The following FNBP1 variants were observed in gnomAD, a reference collection of about 807,000 sequenced individuals.
The protein encoded by FNBP1 is formin binding protein 1, also known as formin-binding protein 1.
A neutral mutation model predicts 90.6 loss-of-function variants in FNBP1; 26 were observed. The ratio of observed to expected loss-of-function variants is 0.29; its 90% CI spans 0.21 to 0.40. The LOEUF (loss-of-function observed/expected upper bound fraction) is 0.40. Among genes scored for constraint, FNBP1 ranks in the 10% least tolerant of loss-of-function variants. FNBP1 has a pLI of 1.00. For synonymous variants in FNBP1, 260 were observed against 265.2 expected (o/e 0.98, Z 0.19); for missense variants, 635 against 768.0 (o/e 0.83, Z 2.05).
chr9:129,946,500 G>A (rs1213865858), intron 6 of FNBP1, among the ~76,000 whole-genome samples: 1 of 152,172 alleles, frequency 6.6e-6, no homozygotes, highest in Non-Finnish European at 1.5e-5. Context: ...ACTGTATAGA[G>A]AGCTCTTCTG....
intron 1 of FNBP1, among the ~76,000 whole-genome samples, chr9:130,030,463 A>G (rs2058709491): frequency 6.6e-6 from 1 of 151,656 alleles, no homozygotes; most frequent in South Asian, 2.1e-4. Context: ...TCTAAACATA[A>G]CTAACTGTGC....
intron 1 of FNBP1, among the ~76,000 whole-genome samples, chr9:130,027,560 T>G (rs1300228571): frequency 1.3e-5 from 2 of 152,212 alleles, no homozygotes; most frequent in African/African-American, 4.8e-5. Context: ...GTATAATAAA[T>G]CACTCCCAAA....
At chr9:129,931,423 G>A (rs1457187592) in intron 6 of FNBP1, among the ~76,000 whole-genome samples, 2 of 151,912 alleles carry the variant, frequency 1.3e-5, no homozygotes, top group African/African-American at 4.8e-5. Context: ...CTAACATGGT[G>A]AAACCCCGTC....
rs1380697721 is a variant in FNBP1 at position 129,895,852 on chromosome 9, T to C, written c.1832A>G (p.Asp611Gly). The C allele has an allele frequency of 2.5e-6, 4 of 1,607,938 alleles. No individual in the cohort carries two copies. Among genetic ancestry groups the C allele is most frequent in the Non-Finnish European group, 3.4e-6 (4 of 1,177,908 alleles). ...VPTSYVEVCL[D>G]KNAKDS ...AGTCTTAGCACCTTTGGCATTTTTG[T>C]CCAAACAGACTTCGACATATGAAGT... The change falls in exon 16 of 17, where the codon GAC becomes GGC. Residue 611 changes from aspartate (D) to glycine (G), a missense_variant. By Grantham distance (94) the Asp-to-Gly change is moderately conservative. Coordinates refer to ENST00000446176, the MANE Select transcript of FNBP1 (RefSeq NM_015033.3).
At chr9:129,958,621 T>C in intron 4 of FNBP1, 68 bp from the exon 5 acceptor site, 1 of 1,224,902 alleles carries the variant, frequency 8.2e-7, no homozygotes, top group South Asian at 1.3e-5. Flanking sequence ...GAGGAAACAT[T>C]TTCATCCACT....
At chr9:129,942,690 T>C (rs2044500340) in intron 6 of FNBP1, among the ~76,000 whole-genome samples, 1 of 152,240 alleles carries the variant, frequency 6.6e-6, no homozygotes, top group Non-Finnish European at 1.5e-5. Context: ...TTTATAGGTT[T>C]ACCCTATTTA....
At chr9:129,908,817 T>C (rs1564293838) in intron 12 of FNBP1, 73 bp downstream of exon 12, 15 of 955,724 alleles carry the variant, frequency 1.6e-5, no homozygotes, top group Non-Finnish European at 2.3e-5. Flanking sequence ...CCTCCCAAAG[T>C]GCTGGGATTA....
chr9:129,907,180 C>T (rs1017071577), intron 12 of FNBP1, among the ~76,000 whole-genome samples: 2 of 152,086 alleles, frequency 1.3e-5, no homozygotes, highest in African/African-American at 4.8e-5. Flanking sequence ...TCTTCTCTCC[C>T]ATTTTTTTAC....
At chr9:129,952,785 A>T (rs1429306529) in intron 6 of FNBP1, among the ~76,000 whole-genome samples, 1 of 152,210 alleles carries the variant, frequency 6.6e-6, no homozygotes, top group Non-Finnish European at 1.5e-5. Context: ...AGAGTAAAAT[A>T]GACAGAACAT....
chr9:129,899,673 G>A (rs1168892564), intron 15 of FNBP1, among the ~76,000 whole-genome samples: 3 of 151,738 alleles, frequency 2.0e-5, no homozygotes, highest in Non-Finnish European at 4.4e-5. Flanking sequence ...AGGCTGCAGT[G>A]AGCCATGATT....
At chr9:130,008,137 G>A (rs2056062340) in intron 1 of FNBP1, among the ~76,000 whole-genome samples, 1 of 151,040 alleles carries the variant, frequency 6.6e-6, no homozygotes, top group South Asian at 2.1e-4. Flanking sequence ...TTGAGCCCAG[G>A]AGTTCGAGAC....
chr9:130,018,275 GTA>G (rs754107052), intron 1 of FNBP1, among the ~76,000 whole-genome samples: 2 of 151,658 alleles, frequency 1.3e-5, no homozygotes, highest in African/African-American at 2.4e-5. Context: ...GTGTGTATGT[GTA>G]TATATATATC....
chr9:129,931,925 G>A (rs553976073), intron 6 of FNBP1, among the ~76,000 whole-genome samples: 185 of 151,810 alleles, frequency 1.2e-3, no homozygotes, highest in African/African-American at 3.9e-3. Flanking sequence ...AAGAAAGAAC[G>A]AAAGAGGCCA....
chr9:130,047,811 T>A (rs947419824), upstream of FNBP1, among the ~76,000 whole-genome samples: 4 of 152,126 alleles, frequency 2.6e-5, no homozygotes, highest in Non-Finnish European at 5.9e-5. Context: ...GTATTAGGGC[T>A]TTTTGGCAAT....
chr9:129,993,490 A>AC (rs1429308726), intron 2 of FNBP1, among the ~76,000 whole-genome samples: 2 of 150,510 alleles, frequency 1.3e-5, no homozygotes, highest in African/African-American at 4.9e-5. Flanking sequence ...AAAAAAAAAA[A>AC]AAAAACAGAG....
At chr9:130,053,790 C>T in the FNBP1 span, 6 of 763,070 alleles carry the variant, frequency 7.9e-6, no homozygotes, top group Non-Finnish European at 1.0e-5. Flanking sequence ...TCGACGACTT[C>T]CTAGGTCGCA....
At chr9:129,903,042 A>AT (rs758751755) in intron 12 of FNBP1, 41 bp from the exon 13 acceptor site, 7,419 of 1,320,064 alleles carry the variant, frequency 5.6e-3, no homozygotes, top group Non-Finnish European at 5.9e-3. Flanking sequence ...AGGTTACTCC[A>AT]TTTTTTTTTT....
At chr9:129,963,651 G>C (rs1273349879) in intron 4 of FNBP1, among the ~76,000 whole-genome samples, 2 of 130,466 alleles carry the variant, frequency 1.5e-5, no homozygotes, top group East Asian at 2.2e-4. Context: ...ACAAGTCTCT[G>C]TCACCCATGC....
At chr9:129,972,734 G>A (rs1426846709) in intron 4 of FNBP1, among the ~76,000 whole-genome samples, 1 of 152,150 alleles carries the variant, frequency 6.6e-6, no homozygotes, top group East Asian at 1.9e-4. Flanking sequence ...GTTTCGCCAT[G>A]TTGGCAAGGC....
Sources: gnomAD v4.1 joint callset for allele counts (sites outside exome capture counted in the v4.1 genomes callset) on GRCh38, gnomAD v4.1.1 for gene constraint, MANE v1.5 for transcripts, NCBI Gene and HGNC (gene_info 2026-07-23, HGNC 2026-07-21) for gene names.